RAB8B: variants seen among roughly 807,000 people sequenced by gnomAD.
The protein encoded by RAB8B is ras-related protein Rab-8B.
RAB8B carries 11 observed loss-of-function variants against 32.0 expected under a neutral mutation model. The observed-to-expected ratio is 0.34, with a 90% CI of 0.22 to 0.57. The LOEUF (loss-of-function observed/expected upper bound fraction) is 0.57, where lower values mean the gene tolerates loss of function less well. RAB8B is among the 20% of genes least tolerant of loss of function. The probability of loss-of-function intolerance (pLI) is 0.86; values close to 1 mark genes in which losing one functional copy is unlikely to be tolerated. For missense variants in RAB8B, 190 were observed against 258.5 expected (o/e 0.73, Z 1.82); for synonymous variants, 103 against 89.6 (o/e 1.15, Z -0.85).
At chr15:63,228,054 A>G (rs1283466374) in intron 1 of RAB8B, among the ~76,000 whole-genome samples, 1 of 151,084 alleles carries the variant, frequency 6.6e-6, no homozygotes, top group East Asian at 2.0e-4. Flanking sequence ...CCCACGCTGG[A>G]GCGTAGTCAC....
At chr15:63,239,040 C>G (rs1255928057) in intron 1 of RAB8B, among the ~76,000 whole-genome samples, 1 of 152,096 alleles carries the variant, frequency 6.6e-6, no homozygotes, top group East Asian at 1.9e-4. Flanking sequence ...AATTGATACT[C>G]CCTGGAGGGC....
At chr15:63,256,474 GT>G (rs763057696) in intron 4 of RAB8B, 30 bp from the exon 5 acceptor site, 39 of 1,529,032 alleles carry the variant, frequency 2.6e-5, no homozygotes, top group Non-Finnish European at 3.5e-5. Context: ...TTCTCAGGCT[GT>G]TTTTATAGCA....
Position 63,259,477 on chromosome 15 carries a change from T to C in RAB8B, c.415-150T>C. Reference sequence around the variant, plus strand: ...TTAAGTTAAATTATTAAATTCTGAATACAGTAGAAGAAAGCAAAGAAATTT... The same window carrying C: ...TTAAGTTAAATTATTAAATTCTGAACACAGTAGAAGAAAGCAAAGAAATTT... On this transcript the variant is annotated intron_variant, in intron 5 of 7. Transcript: ENST00000321437. This position sits in a 1 kb window ranked among gnomAD's most constrained non-coding sequence, Gnocchi z 4.4. 1 of 615,296 alleles carries C rather than the reference T, an allele frequency of 1.6e-6. No homozygotes were observed. The allele number at this position is 615,296 out of a possible 1,614,324, so 38.1% of individuals were successfully genotyped here. A position where few individuals can be genotyped will look rare whatever the true frequency, so the allele number is the denominator to read the frequency against.
At chr15:63,218,477 T>C (rs780569133) in intron 1 of RAB8B, among the ~76,000 whole-genome samples, 1 of 152,232 alleles carries the variant, frequency 6.6e-6, no homozygotes, top group Non-Finnish European at 1.5e-5. Context: ...TATACGGGGT[T>C]ATCTAATCTG....
At chr15:63,232,378 A>G (rs1240180853) in intron 1 of RAB8B, among the ~76,000 whole-genome samples, 2 of 152,230 alleles carry the variant, frequency 1.3e-5, no homozygotes, top group Non-Finnish European at 2.9e-5. Context: ...TATATCTATA[A>G]TGCATGTTTA....
At chr15:63,196,619 C>T (rs187857868) in intron 1 of RAB8B, among the ~76,000 whole-genome samples, 1 of 152,096 alleles carries the variant, frequency 6.6e-6, no homozygotes, top group South Asian at 2.1e-4. Context: ...GATGAATGAA[C>T]GGATGAAGGG....
At chr15:63,262,400 A>C (rs1004617410) in intron 6 of RAB8B, among the ~76,000 whole-genome samples, 3 of 152,200 alleles carry the variant, frequency 2.0e-5, no homozygotes, top group African/African-American at 7.2e-5. Flanking sequence ...CTATGATTAC[A>C]ATTATTACTT....
rs1484163994 is a variant in RAB8B at position 63,248,605 on chromosome 15, C to T, written c.186-1040C>T. Among the ~76,000 whole-genome samples, 4 of 152,218 alleles carry T rather than the reference C, an allele frequency of 2.6e-5. No individual in the cohort carries two copies. The highest frequency in any genetic ancestry group is 1.3e-4 in the Admixed American group (2 of 15,282). On this transcript the variant is annotated intron_variant, in intron 2 of 7. Coordinates refer to ENST00000321437, the MANE Select transcript of RAB8B (RefSeq NM_016530.3). The surrounding 1 kb of genome is among the most constrained non-coding windows in gnomAD (Gnocchi z 4.4). ...AGTTCCTCTGAGCCTGTTTCCTCATCTGCAGAACTTGGATGCTGGTAACAC... is the reference window on the plus strand; with the variant it reads ...AGTTCCTCTGAGCCTGTTTCCTCATTTGCAGAACTTGGATGCTGGTAACAC...
chr15:63,240,836 T>C (rs965452229), intron 1 of RAB8B, among the ~76,000 whole-genome samples: 1 of 141,522 alleles, frequency 7.1e-6, no homozygotes, highest in Non-Finnish European at 1.5e-5. Context: ...CCTCTGTCAG[T>C]AGAAGGTTTT....
At chr15:63,212,750 T>C (rs2037758687) in intron 1 of RAB8B, among the ~76,000 whole-genome samples, 1 of 152,288 alleles carries the variant, frequency 6.6e-6, no homozygotes, top group South Asian at 2.1e-4. Context: ...TGCTTCATGA[T>C]TGGTGTATGA....
chr15:63,190,331 TGTC>T (rs1315290739), intron 1 of RAB8B, among the ~76,000 whole-genome samples: 1 of 151,808 alleles, frequency 6.6e-6, no homozygotes, highest in African/African-American at 2.4e-5. Context: ...TGGACTGAGA[TGTC>T]GTAGGAGGGG....
At chr15:63,218,153 A>T (rs1485516612) in intron 1 of RAB8B, among the ~76,000 whole-genome samples, 2 of 151,884 alleles carry the variant, frequency 1.3e-5, no homozygotes, top group Non-Finnish European at 2.9e-5. Flanking sequence ...CACCAATGGG[A>T]GGTGAAGGTT....
intron 1 of RAB8B, among the ~76,000 whole-genome samples, chr15:63,195,592 G>T (rs532185581): frequency 6.6e-6 from 1 of 152,316 alleles, no homozygotes; most frequent in East Asian, 1.9e-4. Flanking sequence ...GTATATTTTT[G>T]AATTGAATCC....
chr15:63,257,977 C>T (rs1431166115), intron 5 of RAB8B, among the ~76,000 whole-genome samples: 1 of 150,560 alleles, frequency 6.6e-6, no homozygotes, highest in East Asian at 2.0e-4. Context: ...GCAGGAGAAT[C>T]ACTTGAACCC....
intron 1 of RAB8B, among the ~76,000 whole-genome samples, chr15:63,207,540 T>C (rs1214110353): frequency 1.3e-5 from 2 of 152,148 alleles, no homozygotes; most frequent in African/African-American, 4.8e-5. Context: ...CTTTGACTCT[T>C]TCCTTTTCCT....
chr15:63,224,930 G>A (rs1567014153), intron 1 of RAB8B, among the ~76,000 whole-genome samples: 1 of 152,188 alleles, frequency 6.6e-6, no homozygotes, highest in Non-Finnish European at 1.5e-5. Flanking sequence ...GAGATGGGCA[G>A]ACATGGGTTG....
At chr15:63,258,641 G>C (rs2038177479) in intron 5 of RAB8B, among the ~76,000 whole-genome samples, 1 of 152,196 alleles carries the variant, frequency 6.6e-6, no homozygotes, top group African/African-American at 2.4e-5. Flanking sequence ...GAGTGGGCTT[G>C]AGCAAGCAGC....
chr15:63,262,371 AAG>A (rs2038210037), intron 6 of RAB8B, among the ~76,000 whole-genome samples: 1 of 152,206 alleles, frequency 6.6e-6, no homozygotes, highest in Non-Finnish European at 1.5e-5. Context: ...ACAATCTCAA[AAG>A]AGTAAACACA....
intron 2 of RAB8B, 73 bp from the exon 3 acceptor site, chr15:63,249,572 C>G (rs1009083628): frequency 7.2e-7 from 1 of 1,397,096 alleles, no homozygotes. Flanking sequence ...AATTACATCT[C>G]CTACAGCAGG....
Sources: allele counts gnomAD v4.1 joint callset (sites outside exome capture counted in the v4.1 genomes callset), GRCh38; gene constraint gnomAD v4.1.1; non-coding constraint Gnocchi (gnomAD v3.1); transcripts MANE v1.5; gene names NCBI Gene and HGNC (gene_info 2026-07-23, HGNC 2026-07-21).